The following MPV17 variants were observed in gnomAD, a reference collection of about 807,000 sequenced individuals.
MPV17 encodes the protein mitochondrial inner membrane protein MPV17, also known as MPV17, mitochondrial inner membrane protein.
A neutral mutation model predicts 28.6 loss-of-function variants in MPV17; 31 were observed. That is an observed-to-expected ratio of 1.08 (90% CI 0.81 to 1.46). MPV17 has a LOEUF of 1.46. MPV17 is among the 40% of genes most tolerant of loss of function. The pLI, the probability that MPV17 is intolerant of heterozygous loss-of-function variation, is 0.00. For synonymous variants in MPV17, 87 were observed against 85.3 expected (o/e 1.02, Z -0.11); for missense variants, 198 against 216.2 (o/e 0.92, Z 0.53).
intron 2 of MPV17, chr2:27,316,896 C>G (rs977232381): frequency 8.9e-6 from 5 of 562,122 alleles, no homozygotes; most frequent in Admixed American, 3.4e-5. Context: ...TGGGTAGGTG[C>G]CAGTTCTCAT....
intron 2 of MPV17, among the ~76,000 whole-genome samples, chr2:27,318,880 T>G (rs1382338066): frequency 1.3e-5 from 2 of 151,656 alleles, no homozygotes; most frequent in Non-Finnish European, 2.9e-5. Flanking sequence ...TTTTCCTGCC[T>G]CAGTCTCCCG....
chr2:27,319,119 G>A (rs1679763344), intron 2 of MPV17, among the ~76,000 whole-genome samples: 1 of 152,066 alleles, frequency 6.6e-6, no homozygotes, highest in Admixed American at 6.5e-5. Flanking sequence ...AGCAACAGCT[G>A]CCCTTAGCAG....
intron 2 of MPV17, among the ~76,000 whole-genome samples, chr2:27,320,678 T>C (rs1468814249): frequency 1.3e-5 from 2 of 152,208 alleles, no homozygotes; most frequent in Non-Finnish European, 2.9e-5. Flanking sequence ...TCAAAGAAGC[T>C]TACTGACTTG....
intron 5 of MPV17, 21 bp from the exon 6 acceptor site, chr2:27,312,267 C>T (rs753339511): frequency 2.5e-6 from 4 of 1,613,800 alleles, no homozygotes; most frequent in Non-Finnish European, 3.4e-6. Context: ...AGAGAAGGAA[C>T]AAATTAACAC....
rs750541759 is a variant in MPV17, at chr2:27,312,540, G to A, written c.329C>T (p.Ala110Val). 5 of 1,614,034 alleles carry A rather than the reference G, an allele frequency of 3.1e-6. No individual in the cohort carries two copies. The African/African-American group carries it at 4.0e-5, about 13-fold the overall frequency. ...GTCCTGGGCTGACAGTCCATTAAGT[G>A]CCCCTACCAGTGGGAGAAAGCAGCC... ...FLGCFLPLVG[A>V]LNGLSAQDNW... Residue 110 changes from alanine to valine, a missense_variant, in exon 5 of 8, where the codon GCA becomes GTA. Transcript: ENST00000380044.
At chr2:27,322,078 C>A (rs1572554647) in intron 2 of MPV17, 2 of 315,994 alleles carry the variant, frequency 6.3e-6, no homozygotes, top group East Asian at 1.5e-4. Flanking sequence ...AAGTAACCCT[C>A]CTAGCTCACA....
intron 1 of MPV17, 188 bp from the exon 2 acceptor site, chr2:27,322,710 AAG>A: frequency 1.6e-6 from 1 of 615,336 alleles, no homozygotes. Context: ...ACAATTGGGG[AAG>A]AGAGAAAGGC....
intron 2 of MPV17, chr2:27,322,116 C>A (rs948234310): frequency 7.8e-6 from 3 of 382,834 alleles, no homozygotes; most frequent in Admixed American, 4.1e-5. Flanking sequence ...TATGCCATAA[C>A]GTATATGAAA....
chr2:27,318,547 G>A (rs1022695246), intron 2 of MPV17, among the ~76,000 whole-genome samples: 3 of 151,058 alleles, frequency 2.0e-5, no homozygotes, highest in Admixed American at 6.6e-5. Flanking sequence ...TAGTAGAGAC[G>A]GGACTTCACC....
intron 2 of MPV17, among the ~76,000 whole-genome samples, chr2:27,313,908 T>C (rs1679553169): frequency 6.6e-6 from 1 of 152,130 alleles, no homozygotes; most frequent in African/African-American, 2.4e-5. Flanking sequence ...GATGGGGTTT[T>C]GCCATGTTAG....
Position 27,317,223 on chromosome 2 carries a change from C to A in MPV17, c.71-4114G>T. 6.5e-7 allele frequency: 1 copy of A among 1,547,934 alleles called. No homozygotes were observed. Among genetic ancestry groups the A allele is most frequent in the South Asian group, 1.2e-5 (1 of 83,696 alleles). On this transcript the variant is annotated intron_variant, in intron 2 of 7. Transcript: ENST00000380044. The surrounding 1 kb of genome is among the most constrained non-coding windows in gnomAD (Gnocchi z 4.0). ...GCATGGGGCCAGCAGTGCTGCCTTC[C>A]TCCCCAGAAGTCTGCAAACATTAGT...
intron 1 of MPV17, 57 bp downstream of exon 1, chr2:27,322,995 G>A (rs1679912508): frequency 5.6e-6 from 1 of 179,170 alleles, no homozygotes; most frequent in Non-Finnish European, 1.2e-5. Flanking sequence ...CACACCTTGT[G>A]GGCACTCATG....
At chr2:27,316,952 G>C (rs1226532518) in intron 2 of MPV17, 2 of 896,484 alleles carry the variant, frequency 2.2e-6, no homozygotes, top group East Asian at 5.5e-5. Flanking sequence ...AAGGGAGCCT[G>C]CCTCTGAGCA....
chr2:27,312,234 C>T lies in MPV17; in HGVS notation c.388G>A (p.Ala130Thr), dbSNP rs1382428056. 1 of 1,614,130 alleles carries T rather than the reference C, an allele frequency of 6.2e-7. No individual in the cohort carries two copies. Among genetic ancestry groups the T allele is most frequent in the East Asian group, 2.2e-5 (1 of 44,890 alleles). The change falls in exon 6 of 8, where the codon GCC (alanine) becomes ACC (threonine). Residue 130 changes from alanine (A) to threonine (T), a missense_variant. Coordinates refer to ENST00000380044, the MANE Select transcript of MPV17 (RefSeq NM_002437.5). ...WAKLQRDYPD[A>T]LITNYYLWPA... The stretch of plus-strand genomic sequence containing the variant: ...CTTACATAGTAGTTGGTGATAAGGG[C>T]ATCAGGATAATCCTGGGGAGACAGA...
At chr2:27,311,613 A>G in intron 7 of MPV17, 5 of 1,550,514 alleles carry the variant, frequency 3.2e-6, no homozygotes, top group Non-Finnish European at 4.4e-6. Flanking sequence ...CTGTCCCTCC[A>G]GATATGCCAT....
rs1679699655 is a variant in MPV17, at chr2:27,317,517, AAC to A, written c.71-4410_71-4409del. Among the ~76,000 whole-genome samples, 1 of 152,210 alleles carries A rather than the reference AAC, an allele frequency of 6.6e-6. No individual in the cohort carries two copies. ...TATGGTGGGCAGTGCCCTAGGTTAT[AAC>A]GCCAGCTCAGCCACTGACTATCTGA... On this transcript the variant is annotated intron_variant, in intron 2 of 7. Transcript: ENST00000380044. The surrounding 1 kb of genome is among the most constrained non-coding windows in gnomAD (Gnocchi z 4.0).
chr2:27,310,347 C>T (rs1408295358), intron 7 of MPV17, among the ~76,000 whole-genome samples: 3 of 152,136 alleles, frequency 2.0e-5, no homozygotes, highest in Admixed American at 6.5e-5. Context: ...CCACCCACCT[C>T]GGCCTCCCAA....
At chr2:27,313,520 A>C in intron 2 of MPV17, 1 of 402,428 alleles carries the variant, frequency 2.5e-6, no homozygotes, top group Admixed American at 4.0e-5. Flanking sequence ...GTCTCACATA[A>C]CCAGTAAGTG....
rs1679351055 is a variant in MPV17, at chr2:27,309,656, T to C, written c.*256A>G. The C allele has an allele frequency of 1.7e-6, 1 of 605,674 alleles. No individual in the cohort carries two copies. Among genetic ancestry groups the C allele is most frequent in the Non-Finnish European group, 3.0e-6 (1 of 337,494 alleles). 37.5% of individuals were successfully genotyped at this position (605,674 alleles called of 1,614,324 possible). On this transcript the variant is annotated 3_prime_UTR_variant, in exon 8 of 8. Coordinates refer to ENST00000380044, the MANE Select transcript of MPV17 (RefSeq NM_002437.5). The stretch of plus-strand genomic sequence containing the variant: ...ATTTGCTGGGATATGGGTGTAAAGT[T>C]GATAAGGTCATGAAGGTTCAACAGA...
Sources: gnomAD v4.1 joint callset for allele counts (sites outside exome capture counted in the v4.1 genomes callset) on GRCh38, gnomAD v4.1.1 for gene constraint, Gnocchi (gnomAD v3.1) non-coding constraint, MANE v1.5 for transcripts, NCBI Gene and HGNC (gene_info 2026-07-23, HGNC 2026-07-21) for gene names.